OVOL2: variants seen among roughly 807,000 people sequenced by gnomAD.
OVOL2 encodes ovo like zinc finger 2.
A neutral mutation model predicts 18.1 loss-of-function variants in OVOL2; 13 were observed. That is an observed-to-expected ratio of 0.72 (90% CI 0.47 to 1.14). The LOEUF (loss-of-function observed/expected upper bound fraction) is 1.14, where lower values mean the gene tolerates loss of function less well. Ranked by LOEUF, OVOL2 falls within the 50% of genes most tolerant of loss-of-function variation. OVOL2 has a pLI of 0.00. For synonymous variants in OVOL2, 166 were observed against 162.7 expected (o/e 1.02, Z -0.16); for missense variants, 335 against 383.0 (o/e 0.87, Z 1.05).
At chr20:18,031,532 G>A (rs780915542) in intron 3 of OVOL2, among the ~76,000 whole-genome samples, 5 of 152,088 alleles carry the variant, frequency 3.3e-5, no homozygotes, top group Non-Finnish European at 7.4e-5. Flanking sequence ...AGCTGAGATG[G>A]CGCCACTGCA....
Position 18,024,496 on chromosome 20 carries a change from C to T in OVOL2, c.*140G>A. ...ACTGACAATCTTGGAATGGACCCTA[C>T]TGCTGATGTTTCAAAAGGACACAGA... On this transcript the variant is annotated 3_prime_UTR_variant, in exon 4 of 4. Transcript: ENST00000278780. The T allele has an allele frequency of 1.4e-6, 2 of 1,430,538 alleles. No individual in the cohort carries two copies. Among genetic ancestry groups the T allele is most frequent in the African/African-American group, 1.4e-5 (1 of 69,524 alleles). 88.6% of individuals were successfully genotyped at this position (1,430,538 alleles called of 1,614,324 possible).
chr20:18,026,382 A>ATTT lies in OVOL2; in HGVS notation c.512-1433_512-1431dup, dbSNP rs11337430. ...GGTCTGGGGTAGGAATCAGGAATCC[A>ATTT]TTTTTTTTTTTTTTTTTGAGACGGA... On this transcript the variant is annotated intron_variant, in intron 3 of 3. Coordinates refer to ENST00000278780, the MANE Select transcript of OVOL2 (RefSeq NM_021220.4). 2.5e-4 allele frequency among the ~76,000 whole-genome samples: 35 copies of ATTT among 138,902 alleles called. 1 individual carries two copies. The highest frequency in any genetic ancestry group is 3.1e-4 in the Non-Finnish European group (20 of 64,976). 91.1% of individuals were successfully genotyped at this position (138,902 alleles called of 152,430 possible).
intron 3 of OVOL2, among the ~76,000 whole-genome samples, chr20:18,040,477 G>A (rs1476541163): frequency 6.6e-6 from 1 of 152,138 alleles, no homozygotes; most frequent in Non-Finnish European, 1.5e-5. Context: ...TGAGAGATGA[G>A]GAGTCTGGAT....
At chr20:18,050,727 T>C (rs1056468431) in intron 2 of OVOL2, 3 of 152,282 alleles carry the variant, frequency 2.0e-5, no homozygotes, top group African/African-American at 7.2e-5. Context: ...ATCACTCATG[T>C]CTGGGAACTG....
chr20:18,026,953 G>A (rs2036525098), intron 3 of OVOL2, among the ~76,000 whole-genome samples: 3 of 152,070 alleles, frequency 2.0e-5, no homozygotes, highest in South Asian at 2.1e-4. Flanking sequence ...ACCAGAGGGC[G>A]GACAGAGGGA....
At position 18,057,708 on chromosome 20, in the gene OVOL2, G is replaced by A; in HGVS notation, c.-74C>T. 6.8e-7 allele frequency: 1 copy of A among 1,472,592 alleles called. No individual in the cohort carries two copies. The highest frequency in any genetic ancestry group is 2.5e-5 in the Admixed American group (1 of 40,158). 91.2% of individuals were successfully genotyped at this position (1,472,592 alleles called of 1,614,324 possible). ...CGCTAGGGGCAACGGCGGCGGCTCC[G>A]TCCCCGGCTCCCGGCGGCCAGAGCC... is the stretch of plus-strand genomic sequence containing the variant. On this transcript the variant is annotated 5_prime_UTR_variant, in exon 1 of 4. The change creates a new upstream start codon in the 5' untranslated region. Transcript: ENST00000278780. This position sits in a 1 kb window ranked among gnomAD's most constrained non-coding sequence, Gnocchi z 6.3.
At chr20:18,040,279 G>A (rs1415524446) in intron 3 of OVOL2, among the ~76,000 whole-genome samples, 2 of 152,114 alleles carry the variant, frequency 1.3e-5, no homozygotes, top group East Asian at 3.9e-4. Flanking sequence ...CCTGGATAGG[G>A]TTGAATGGGT....
intron 2 of OVOL2, among the ~76,000 whole-genome samples, chr20:18,053,929 C>T (rs967658014): frequency 6.6e-6 from 1 of 152,140 alleles, no homozygotes; most frequent in Non-Finnish European, 1.5e-5. Flanking sequence ...TATGCTCCAG[C>T]TGCGGGACTC....
chr20:18,032,219 A>ATT (rs2036576161), intron 3 of OVOL2, among the ~76,000 whole-genome samples: 1 of 151,848 alleles, frequency 6.6e-6, no homozygotes, highest in Non-Finnish European at 1.5e-5. Flanking sequence ...GAAGGAAAGA[A>ATT]GAAAGGAAGG....
At chr20:18,037,361 G>A (rs1320765639) in intron 3 of OVOL2, among the ~76,000 whole-genome samples, 1 of 152,222 alleles carries the variant, frequency 6.6e-6, no homozygotes, top group Non-Finnish European at 1.5e-5. Context: ...TGCAAAAGGT[G>A]GAGAACAACA....
At chr20:18,027,709 C>T (rs1156455260) in intron 3 of OVOL2, among the ~76,000 whole-genome samples, 1 of 151,738 alleles carries the variant, frequency 6.6e-6, no homozygotes, top group Admixed American at 6.6e-5. Context: ...CATTCTCCGG[C>T]CTCAGCCTCC....
chr20:18,027,971 G>A (rs942858086), intron 3 of OVOL2, among the ~76,000 whole-genome samples: 6 of 151,952 alleles, frequency 3.9e-5, no homozygotes, highest in African/African-American at 1.5e-4. Flanking sequence ...TGGAAGTTGA[G>A]AGAGGGTGAA....
intron 3 of OVOL2, among the ~76,000 whole-genome samples, chr20:18,040,298 G>T (rs921474794): frequency 1.3e-5 from 2 of 152,156 alleles, no homozygotes; most frequent in Non-Finnish European, 2.9e-5. Context: ...GTTAAGATGG[G>T]ATGGGATAGG....
At chr20:18,026,912 C>G (rs888152148) in intron 3 of OVOL2, among the ~76,000 whole-genome samples, 2 of 151,980 alleles carry the variant, frequency 1.3e-5, no homozygotes, top group African/African-American at 4.8e-5. Flanking sequence ...AAGGATGGGA[C>G]TTAAAGGTGG....
Position 18,041,571 on chromosome 20 carries a change from G to C in OVOL2, c.474C>G (p.Asp158Glu). 3 of 1,614,118 alleles carry C rather than the reference G, an allele frequency of 1.9e-6. No individual in the cohort carries two copies. Among genetic ancestry groups the C allele is most frequent in the Non-Finnish European group, 1.7e-6 (2 of 1,179,964 alleles). The change falls in exon 3 of 4, where the codon GAC becomes GAG. Residue 158 changes from aspartate (D) to glutamate (E), a missense_variant. Coordinates refer to ENST00000278780, the MANE Select transcript of OVOL2 (RefSeq NM_021220.4). Reference protein sequence around the residue: ...LCTFCGKGFNDTFDLKRHVRT... With the variant: ...LCTFCGKGFNETFDLKRHVRT... ...GGACGTGCCTCTTCAGGTCGAAGGT[G>C]TCGTTGAAGCCCTTGCCGCAGAAGG...
Position 18,024,375 on chromosome 20 carries a change from T to G in OVOL2, c.*261A>C. ...GGGGAAAAAAAAATCCCACACGGTG[T>G]TCTTGGCCATCAGGATCATGAAAAC... On this transcript the variant is annotated 3_prime_UTR_variant, in exon 4 of 4. Coordinates refer to ENST00000278780, the MANE Select transcript of OVOL2 (RefSeq NM_021220.4). 1.9e-6 allele frequency: 1 copy of G among 518,462 alleles called. No individual in the cohort carries two copies. The highest frequency in any genetic ancestry group is 5.2e-5 in the South Asian group (1 of 19,148). 32.1% of individuals were successfully genotyped at this position (518,462 alleles called of 1,614,324 possible). A position where few individuals can be genotyped will look rare whatever the true frequency, so the allele number is the denominator to read the frequency against.
intron 2 of OVOL2, among the ~76,000 whole-genome samples, chr20:18,054,138 G>T (rs1038509103): frequency 7.9e-5 from 12 of 152,310 alleles, no homozygotes; most frequent in African/African-American, 2.4e-4. Context: ...CACATACCAT[G>T]TTCTACCCTC....
In OVOL2 at chr20:18,057,864, C is replaced by T; in HGVS notation, c.-230G>A. On this transcript the variant is annotated 5_prime_UTR_variant, in exon 1 of 4. Coordinates refer to ENST00000278780, the MANE Select transcript of OVOL2 (RefSeq NM_021220.4). This position sits in a 1 kb window ranked among gnomAD's most constrained non-coding sequence, Gnocchi z 6.3. ...CTATGCCTTAAATCGCGAGTGAGAC[C>T]ACGCCGGGGAAAAAGTTTCATAAGG... The T allele has an allele frequency of 7.5e-6, 10 of 1,341,296 alleles. No individual in the cohort carries two copies. Among genetic ancestry groups the T allele is most frequent in the Non-Finnish European group, 9.5e-6 (10 of 1,053,120 alleles). The allele number at this position is 1,341,296 out of a possible 1,614,324, so 83.1% of individuals were successfully genotyped here. A position where few individuals can be genotyped will look rare whatever the true frequency, so the allele number is the denominator to read the frequency against.
chr20:18,036,155 T>C (rs187799908), intron 3 of OVOL2, among the ~76,000 whole-genome samples: 18,280 of 151,826 alleles, frequency 0.12, 1,180 homozygotes, highest in Middle Eastern at 0.16. Flanking sequence ...TAGCCAGGCA[T>C]GGTGGTGCAT....
Sources: gnomAD v4.1 joint callset for allele counts (sites outside exome capture counted in the v4.1 genomes callset) on GRCh38, gnomAD v4.1.1 for gene constraint, Gnocchi (gnomAD v3.1) non-coding constraint, MANE v1.5 for transcripts, NCBI Gene and HGNC (gene_info 2026-07-23, HGNC 2026-07-21) for gene names.